CCDC97: variants seen among roughly 807,000 people sequenced by gnomAD.
CCDC97 encodes coiled-coil domain containing 97, also known as coiled-coil domain-containing protein 97.
CCDC97 carries 27 observed loss-of-function variants against 33.9 expected under a neutral mutation model. The ratio of observed to expected loss-of-function variants is 0.80; its 90% CI spans 0.59 to 1.10. The LOEUF is 1.10. Ranked by LOEUF, CCDC97 falls within the 50% of genes least tolerant of loss-of-function variation. The pLI, the probability that CCDC97 is intolerant of heterozygous loss-of-function variation, is 0.00. For missense variants in CCDC97, 422 were observed against 476.6 expected (o/e 0.89, Z 1.07); for synonymous variants, 217 against 194.0 (o/e 1.12, Z -0.99).
Position 41,324,139 on chromosome 19 carries a change from T to C in CCDC97, c.*1424T>C, listed in dbSNP as rs1486043314. 6.6e-6 allele frequency: 1 copy of C among 152,064 alleles called. No homozygotes were observed. Among genetic ancestry groups the C allele is most frequent in the Non-Finnish European group, 1.5e-5 (1 of 68,064 alleles). 9.4% of individuals were successfully genotyped at this position (152,064 alleles called of 1,614,324 possible). A position where few individuals can be genotyped will look rare whatever the true frequency, so the allele number is the denominator to read the frequency against. On this transcript the variant is annotated 3_prime_UTR_variant, in exon 5 of 5. Transcript: ENST00000269967. ...CAGAATTAGAGCCAGACAGGGAAAG[T>C]GAGAGCTGGATGGAGGCAGACAAGA...
chr19:41,320,097 C>T (rs1440122072), intron 3 of CCDC97, among the ~76,000 whole-genome samples: 1 of 152,186 alleles, frequency 6.6e-6, no homozygotes, highest in Non-Finnish European at 1.5e-5. Context: ...GCCAGGAATG[C>T]CTCTCCTCCC....
intron 1 of CCDC97, 97 bp from the exon 2 acceptor site, chr19:41,316,287 A>T: frequency 1.1e-6 from 1 of 927,982 alleles, no homozygotes; most frequent in Non-Finnish European, 1.7e-6. Flanking sequence ...CCCAGAATAT[A>T]GTCAGTGCCC....
At chr19:41,319,540 C>T in intron 2 of CCDC97, 34 bp from the exon 3 acceptor site, 1 of 1,495,944 alleles carries the variant, frequency 6.7e-7, no homozygotes, top group African/African-American at 1.4e-5. Context: ...CTCAGTCGCT[C>T]ACCCCATGCC....
At chr19:41,312,865 T>A (rs1262260025) in intron 1 of CCDC97, among the ~76,000 whole-genome samples, 1 of 152,098 alleles carries the variant, frequency 6.6e-6, no homozygotes, top group African/African-American at 2.4e-5. Flanking sequence ...CTGCAACCTC[T>A]GCCTCCGGAG....
chr19:41,319,310 C>T (rs961298064), intron 2 of CCDC97, among the ~76,000 whole-genome samples: 16 of 152,176 alleles, frequency 1.1e-4, no homozygotes, highest in South Asian at 2.1e-4. Context: ...TGAGTGCTTG[C>T]GCACACAGCT....
chr19:41,310,343 G>C lies in CCDC97; in HGVS notation c.33G>C (p.Lys11Asn). MEAVATATAA[K>N]EPDKGCIEPG... ...CCGTGGCGACGGCGACGGCGGCGAA[G>C]GAACCCGATAAGGGTGAGATCTTGG... The change falls in exon 1 of 5, where the codon AAG becomes AAC. Residue 11 changes from lysine (K) to asparagine (N), a missense_variant. Coordinates refer to ENST00000269967, the MANE Select transcript of CCDC97 (RefSeq NM_052848.3). The C allele has an allele frequency of 6.2e-7, 1 of 1,606,776 alleles. No individual in the cohort carries two copies. The highest frequency in any genetic ancestry group is 8.5e-7 in the Non-Finnish European group (1 of 1,177,074).
In CCDC97 at chr19:41,310,657, G is replaced by A. The variant is rs1425902362; in HGVS notation, c.46+301G>A. ...AAATTAACAGAAACCTCTCTACCCC[G>A]GCCTAATTCCTGCATTGCCTCAGAC... On this transcript the variant is annotated intron_variant, in intron 1 of 4. Transcript: ENST00000269967. 4 of 1,315,716 alleles carry A rather than the reference G, an allele frequency of 3.0e-6. No homozygotes were observed. In the Admixed American group the frequency reaches 1.3e-4, roughly 44 times the overall value. The allele number at this position is 1,315,716 out of a possible 1,614,324, so 81.5% of individuals were successfully genotyped here.
At chr19:41,320,642 A>G in intron 4 of CCDC97, 172 bp downstream of exon 4, 2 of 741,598 alleles carry the variant, frequency 2.7e-6, no homozygotes, top group Non-Finnish European at 4.3e-6. Flanking sequence ...GTGACCTCGG[A>G]CTAGCCTTGT....
chr19:41,311,820 GC>G (rs1248757426), intron 1 of CCDC97, among the ~76,000 whole-genome samples: 2 of 152,070 alleles, frequency 1.3e-5, no homozygotes, highest in African/African-American at 2.4e-5. Flanking sequence ...GATCACTTGA[GC>G]CCAGGAGGTC....
Position 41,322,933 on chromosome 19 carries a change from T to C in CCDC97, c.*218T>C. 2.4e-6 allele frequency: 1 copy of C among 412,608 alleles called. No individual in the cohort carries two copies. Among genetic ancestry groups the C allele is most frequent in the Non-Finnish European group, 4.4e-6 (1 of 228,048 alleles). 25.6% of individuals were successfully genotyped at this position (412,608 alleles called of 1,614,324 possible). On this transcript the variant is annotated 3_prime_UTR_variant, in exon 5 of 5. Transcript: ENST00000269967. ...CATCTCTCCCACCCTGTCTCCTGCCTCTGTCTTTCTTGGTGTCTGTCTGGG... is the reference window on the plus strand; with the variant it reads ...CATCTCTCCCACCCTGTCTCCTGCCCCTGTCTTTCTTGGTGTCTGTCTGGG...
chr19:41,314,597 T>C (rs2037723408), intron 1 of CCDC97, among the ~76,000 whole-genome samples: 1 of 152,258 alleles, frequency 6.6e-6, no homozygotes, highest in Non-Finnish European at 1.5e-5. Context: ...TTGTTGCCTC[T>C]GCCTGGAATT....
In CCDC97 at chr19:41,322,796, C is replaced by G. The variant is rs560311858; in HGVS notation, c.*81C>G. ...TTCCAGGCCTGCTCAGTGACCCTTT[C>G]TCTAGGGGGACATCAGGGCAGTGCC... On this transcript the variant is annotated 3_prime_UTR_variant, in exon 5 of 5. Coordinates refer to ENST00000269967, the MANE Select transcript of CCDC97 (RefSeq NM_052848.3). The G allele has an allele frequency of 9.9e-6, 15 of 1,521,084 alleles. No individual in the cohort carries two copies. In the Admixed American group the frequency reaches 2.5e-4, roughly 26 times the overall value. 94.2% of individuals were successfully genotyped at this position (1,521,084 alleles called of 1,614,324 possible).
In CCDC97 at chr19:41,310,260, A is replaced by G. The variant is rs368710855; in HGVS notation, c.-51A>G. The G allele has an allele frequency of 4.5e-6, 7 of 1,565,188 alleles. No homozygotes were observed. The highest frequency in any genetic ancestry group is 1.7e-4 in the Middle Eastern group (1 of 5,978). ...AGTGTCTCTTGCGTGCGTGGGCCGGAGGTTAGTGTGCGGGGCCCGCCGGGC... is the reference window on the plus strand; with the variant it reads ...AGTGTCTCTTGCGTGCGTGGGCCGGGGGTTAGTGTGCGGGGCCCGCCGGGC... On this transcript the variant is annotated 5_prime_UTR_variant, in exon 1 of 5. Coordinates refer to ENST00000269967, the MANE Select transcript of CCDC97 (RefSeq NM_052848.3).
rs749143061 is a variant in CCDC97 at position 41,320,410 on chromosome 19, A to T, written c.851A>T (p.Glu284Val). 6.2e-7 allele frequency: 1 copy of T among 1,614,016 alleles called. No homozygotes were observed. Among genetic ancestry groups the T allele is most frequent in the Non-Finnish European group, 8.5e-7 (1 of 1,179,988 alleles). Residue 284 changes from glutamate to valine, a missense_variant, in exon 4 of 5, where the codon GAG (glutamate) becomes GTG (valine). Transcript: ENST00000269967. ...DSEERLILRE[E>V]FTSRMHQRFL... is the part of the protein sequence containing the mutation. Reference sequence around the variant, plus strand: ...GAGGAGAGGCTGATCCTGCGAGAGGAGTTCACCAGCCGCATGCACCAGCGC... The same window carrying T: ...GAGGAGAGGCTGATCCTGCGAGAGGTGTTCACCAGCCGCATGCACCAGCGC...
chr19:41,322,491 G>C, intron 4 of CCDC97, 104 bp from the exon 5 acceptor site: 1 of 1,295,670 alleles, frequency 7.7e-7, no homozygotes, highest in Non-Finnish European at 1.1e-6. Context: ...AGCTCTGACG[G>C]CTGCCAGCAC....
chr19:41,315,659 G>A (rs1224053552), intron 1 of CCDC97, among the ~76,000 whole-genome samples: 2 of 151,838 alleles, frequency 1.3e-5, no homozygotes, highest in Admixed American at 6.6e-5. Context: ...GTATGGTTGT[G>A]CATGCCTGTA....
At chr19:41,310,426 G>A (rs2037668727) in intron 1 of CCDC97, 70 bp downstream of exon 1, 1 of 1,549,032 alleles carries the variant, frequency 6.5e-7, no homozygotes, top group African/African-American at 1.4e-5. Context: ...GATTCCCCCA[G>A]GAACGCGAAG....
chr19:41,315,296 CAA>C (rs71177714), intron 1 of CCDC97, among the ~76,000 whole-genome samples: 19 of 41,726 alleles, frequency 4.6e-4, no homozygotes, highest in Non-Finnish European at 5.7e-4. Flanking sequence ...GACTCCGTCT[CAA>C]AAAAAAAAAA....
At position 41,310,176 on chromosome 19, in the gene CCDC97, C is replaced by G; in HGVS notation, c.-135C>G. 1 of 1,287,556 alleles carries G rather than the reference C, an allele frequency of 7.8e-7. No homozygotes were observed. Among genetic ancestry groups the G allele is most frequent in the South Asian group, 1.3e-5 (1 of 74,994 alleles). The allele number at this position is 1,287,556 out of a possible 1,614,324, so 79.8% of individuals were successfully genotyped here. ...GCGCAATGCAACGTCTGCCTTAGGC[C>G]CGGAACTTCGGTGCCTGGGCGCAGC... is the stretch of plus-strand genomic sequence containing the variant. On this transcript the variant is annotated 5_prime_UTR_variant, in exon 1 of 5. Transcript: ENST00000269967.
Sources: allele counts gnomAD v4.1 joint callset (sites outside exome capture counted in the v4.1 genomes callset), GRCh38; gene constraint gnomAD v4.1.1; transcripts MANE v1.5; gene names NCBI Gene and HGNC (gene_info 2026-07-23, HGNC 2026-07-21).